Variants in CMSS1 observed in about 807,000 individuals in gnomAD.
CMSS1 encodes cms1 ribosomal small subunit homolog, also known as protein CMSS1.
A neutral mutation model predicts 43.5 loss-of-function variants in CMSS1; 33 were observed. The ratio of observed to expected loss-of-function variants is 0.76; its 90% CI spans 0.57 to 1.01. The LOEUF is 1.01. Ranked by LOEUF, CMSS1 falls within the 50% of genes least tolerant of loss-of-function variation. The probability of loss-of-function intolerance (pLI) is 0.00; values close to 1 mark genes in which losing one functional copy is unlikely to be tolerated. For missense variants in CMSS1, 313 were observed against 326.4 expected (o/e 0.96, Z 0.32); for synonymous variants, 115 against 117.2 (o/e 0.98, Z 0.12).
intron 1 of CMSS1, among the ~76,000 whole-genome samples, chr3:100,110,270 C>T (rs1476019572): frequency 6.6e-6 from 1 of 152,122 alleles, no homozygotes; most frequent in Admixed American, 6.6e-5. Context: ...TTAGGGGCAG[C>T]TGAAACAAGG....
At chr3:99,828,526 C>CT (rs1423591304) in intron 1 of CMSS1, among the ~76,000 whole-genome samples, 3 of 150,570 alleles carry the variant, frequency 2.0e-5, no homozygotes, top group Non-Finnish European at 4.4e-5. Context: ...ATCATGCTCA[C>CT]TGCAGCCTCG....
chr3:100,077,719 G>A (rs2065871470), intron 1 of CMSS1, among the ~76,000 whole-genome samples: 1 of 152,158 alleles, frequency 6.6e-6, no homozygotes, highest in East Asian at 1.9e-4. Flanking sequence ...AGACCAGCCT[G>A]GGCAACATGG....
chr3:100,176,292 C>A (rs1040956099), intron 8 of CMSS1, 35 bp from the exon 9 acceptor site: 1 of 1,408,212 alleles, frequency 7.1e-7, no homozygotes, highest in Non-Finnish European at 1.0e-6. Context: ...GTCATGAGGT[C>A]TTTACTACAG....
chr3:99,928,025 G>GA (rs1255063413), intron 1 of CMSS1, among the ~76,000 whole-genome samples: 1 of 152,198 alleles, frequency 6.6e-6, no homozygotes, highest in Non-Finnish European at 1.5e-5. Flanking sequence ...TTTTCAAAAA[G>GA]AACATTATGA....
chr3:99,986,942 A>G (rs1405785866), intron 1 of CMSS1, among the ~76,000 whole-genome samples: 1 of 152,170 alleles, frequency 6.6e-6, no homozygotes, highest in Non-Finnish European at 1.5e-5. Flanking sequence ...ACAAAGAAAT[A>G]TTTAGGCCAG....
intron 1 of CMSS1, among the ~76,000 whole-genome samples, chr3:99,923,388 A>G (rs1436626662): frequency 6.6e-6 from 1 of 152,210 alleles, no homozygotes; most frequent in Admixed American, 6.5e-5. Flanking sequence ...CTCACCAAGT[A>G]GAAACCATCC....
intron 1 of CMSS1, among the ~76,000 whole-genome samples, chr3:99,991,896 GTA>G (rs1217251406): frequency 2.1e-4 from 31 of 147,646 alleles, no homozygotes; most frequent in African/African-American, 7.5e-4. Flanking sequence ...ATATATGTGT[GTA>G]TATATATACA....
intron 1 of CMSS1, among the ~76,000 whole-genome samples, chr3:99,831,741 A>AC (rs1942675517): frequency 6.6e-6 from 1 of 152,188 alleles, no homozygotes; most frequent in Non-Finnish European, 1.5e-5. Context: ...TCTGAATCTT[A>AC]CTCCTATGCA....
intron 1 of CMSS1, among the ~76,000 whole-genome samples, chr3:99,876,631 TG>T (rs1576541027): frequency 6.6e-6 from 1 of 152,154 alleles, no homozygotes; most frequent in East Asian, 1.9e-4. Context: ...GAGACATCTC[TG>T]GGGGTGATTT....
intron 1 of CMSS1, among the ~76,000 whole-genome samples, chr3:100,122,494 C>T (rs1402933276): frequency 1.3e-5 from 2 of 152,182 alleles, no homozygotes; most frequent in South Asian, 4.1e-4. Context: ...GGGTATTCCT[C>T]CTTAGGCCAG....
intron 1 of CMSS1, among the ~76,000 whole-genome samples, chr3:99,908,645 G>C (rs1706696403): frequency 6.6e-6 from 1 of 152,126 alleles, no homozygotes; most frequent in Admixed American, 6.5e-5. Flanking sequence ...TCTTCAGGGT[G>C]ATTATCTGAA....
chr3:100,097,260 A>G (rs2066226115), intron 1 of CMSS1, among the ~76,000 whole-genome samples: 1 of 152,248 alleles, frequency 6.6e-6, no homozygotes, highest in East Asian at 1.9e-4. Context: ...CATCCGTGGA[A>G]AAATTGTCTT....
intron 2 of CMSS1, among the ~76,000 whole-genome samples, chr3:100,152,529 T>G (rs142141141): frequency 1.6e-4 from 25 of 152,308 alleles, no homozygotes; most frequent in African/African-American, 5.3e-4. Context: ...GAGCACACCC[T>G]TAATTTATTT....
intron 1 of CMSS1, among the ~76,000 whole-genome samples, chr3:99,971,284 G>A (rs956786266): frequency 6.7e-6 from 1 of 149,152 alleles, no homozygotes; most frequent in Non-Finnish European, 1.5e-5. Flanking sequence ...AGCTTGCAGT[G>A]AGCCAAGATC....
At chr3:100,108,807 C>T (rs2066436983) in intron 1 of CMSS1, among the ~76,000 whole-genome samples, 2 of 152,136 alleles carry the variant, frequency 1.3e-5, no homozygotes, top group African/African-American at 4.8e-5. Context: ...ATGCTCAGCA[C>T]AGCGTGTGGT....
intron 1 of CMSS1, among the ~76,000 whole-genome samples, chr3:100,002,605 C>T (rs560946895): frequency 6.6e-6 from 1 of 152,268 alleles, no homozygotes; most frequent in Admixed American, 6.5e-5. Context: ...GCTTTTAAAA[C>T]CAAATGCATA....
At chr3:99,882,336 A>T (rs1705756365) in intron 1 of CMSS1, among the ~76,000 whole-genome samples, 1 of 152,136 alleles carries the variant, frequency 6.6e-6, no homozygotes, top group Non-Finnish European at 1.5e-5. Flanking sequence ...TTTGTCTGGC[A>T]ACTTCTTCCA....
intron 1 of CMSS1, among the ~76,000 whole-genome samples, chr3:100,124,082 TCAG>T (rs2066643181): frequency 6.6e-6 from 1 of 152,176 alleles, no homozygotes; most frequent in South Asian, 2.1e-4. Context: ...CAGATACAGT[TCAG>T]AGCTGAAAAA....
At chr3:100,157,683 C>T (rs1479622890) in intron 2 of CMSS1, among the ~76,000 whole-genome samples, 1 of 152,186 alleles carries the variant, frequency 6.6e-6, no homozygotes, top group Non-Finnish European at 1.5e-5. Flanking sequence ...TCAGCCTCTG[C>T]CCTTTCTCCC....
Sources: allele counts gnomAD v4.1 joint callset (sites outside exome capture counted in the v4.1 genomes callset), GRCh38; gene constraint gnomAD v4.1.1; transcripts MANE v1.5; gene names NCBI Gene and HGNC (gene_info 2026-07-23, HGNC 2026-07-21).